Variants in RAPGEF1 observed in about 807,000 individuals in gnomAD.
RAPGEF1 encodes CRK SH3-binding GNRP.
Under a neutral mutation model 143.3 loss-of-function variants are expected in RAPGEF1, and 33 were observed. The observed-to-expected ratio is 0.23, with a 90% CI of 0.17 to 0.31. RAPGEF1 has a LOEUF of 0.31. Among genes scored for constraint, RAPGEF1 ranks in the 10% least tolerant of loss-of-function variants. RAPGEF1 has a pLI of 1.00. For missense variants in RAPGEF1, 1,199 were observed against 1,645.4 expected, an observed-to-expected ratio of 0.73 and a Z score of 4.69; for synonymous variants, 629 against 676.5, an observed-to-expected ratio of 0.93 and a Z score of 1.09.
chr9:131,600,480 C>G (rs531500686), intron 15 of RAPGEF1, among the ~76,000 whole-genome samples: 5 of 152,350 alleles, frequency 3.3e-5, no homozygotes, highest in African/African-American at 1.2e-4. Context: ...AGAGACAAGT[C>G]AGAGAGCACA....
chr9:131,586,795 A>AC (rs1953022142), intron 22 of RAPGEF1, among the ~76,000 whole-genome samples: 2 of 20,440 alleles, frequency 9.8e-5, no homozygotes, highest in Admixed American at 5.4e-4. Context: ...GACTCCGTCA[A>AC]ACACACACAC....
At chr9:131,711,888 G>A (rs1564192812) in intron 1 of RAPGEF1, among the ~76,000 whole-genome samples, 1 of 152,180 alleles carries the variant, frequency 6.6e-6, no homozygotes, top group East Asian at 1.9e-4. Context: ...TTAAGTTTCT[G>A]GGCGCAGTGG....
rs1309410835 is a variant in RAPGEF1 at position 131,626,404 on chromosome 9, T to C, written c.1220A>G (p.Tyr407Cys). The change falls in exon 10 of 27, where the codon TAT becomes TGT. Residue 407 changes from tyrosine (Y) to cysteine (C), a missense_variant. Physicochemically the swap from Tyr to Cys is radical, Grantham distance 194. Transcript: ENST00000683357. ...AGAGAGGTCTTGCTGGAGGAATTCA[T>C]AGTCGGGATCATAGTGGTCTGCAGT... ...CETLDHYDPD[Y>C]EFLQQDLSNA... 6 of 1,600,986 alleles carry C rather than the reference T, an allele frequency of 3.7e-6. No homozygotes were observed. Among genetic ancestry groups the C allele is most frequent in the Non-Finnish European group, 5.1e-6 (6 of 1,170,880 alleles).
At chr9:131,736,074 T>C (rs2131363693) in intron 1 of RAPGEF1, among the ~76,000 whole-genome samples, 1 of 152,290 alleles carries the variant, frequency 6.6e-6, no homozygotes, top group East Asian at 1.9e-4. Context: ...AGTAACTGCT[T>C]GCACAACCAG....
At chr9:131,604,695 G>A (rs1411303838) in intron 13 of RAPGEF1, among the ~76,000 whole-genome samples, 2 of 152,184 alleles carry the variant, frequency 1.3e-5, no homozygotes, top group Non-Finnish European at 2.9e-5. Flanking sequence ...ATAGAACTTT[G>A]TATAGAAGAG....
chr9:131,735,703 G>A, intron 1 of RAPGEF1, among the ~76,000 whole-genome samples: 1 of 152,168 alleles, frequency 6.6e-6, no homozygotes, highest in Non-Finnish European at 1.5e-5. Flanking sequence ...CAAGTGGGCC[G>A]TCGGAGGTGT....
intron 1 of RAPGEF1, among the ~76,000 whole-genome samples, chr9:131,693,640 A>T (rs915658642): frequency 6.6e-6 from 1 of 151,856 alleles, no homozygotes. Flanking sequence ...CCATCAGAAC[A>T]CTCAATTCTA....
intron 14 of RAPGEF1, 94 bp from the exon 15 acceptor site, chr9:131,602,243 T>A (rs1588345945): frequency 3.6e-6 from 3 of 835,550 alleles, no homozygotes; most frequent in Non-Finnish European, 5.7e-6. Flanking sequence ...GGCTGTGGAG[T>A]GCAAGTTCCT....
chr9:131,602,078 G>A lies in RAPGEF1; in HGVS notation c.2484C>T (p.Ser828=). ...SAVSGVPGKD[S]RDGSERAPKS... ...CTTCCTACCTCTCACTGCCGTCTCTGCTGTCCTTCCCAGGGACGCCGCTGA... is the reference window on the plus strand; with the variant it reads ...CTTCCTACCTCTCACTGCCGTCTCTACTGTCCTTCCCAGGGACGCCGCTGA... The change falls in exon 15 of 27, where the codon AGC becomes AGT. Residue 828 remains serine, a synonymous_variant. Coordinates refer to ENST00000683357, the MANE Select transcript of RAPGEF1 (RefSeq NM_001377935.1). 6.2e-7 allele frequency: 1 copy of A among 1,602,712 alleles called. No individual in the cohort carries two copies. Among genetic ancestry groups the A allele is most frequent in the Non-Finnish European group, 8.5e-7 (1 of 1,175,662 alleles).
chr9:131,636,643 T>A (rs1165978924), intron 5 of RAPGEF1, among the ~76,000 whole-genome samples: 2 of 152,212 alleles, frequency 1.3e-5, no homozygotes, highest in Admixed American at 6.5e-5. Context: ...ACCTTAACAA[T>A]GTTACCTGAA....
chr9:131,738,279 AGAACTCAGT>A (rs1837548905), intron 1 of RAPGEF1, among the ~76,000 whole-genome samples: 1 of 151,848 alleles, frequency 6.6e-6, no homozygotes, highest in Non-Finnish European at 1.5e-5. Flanking sequence ...TTCTTATAAA[AGAACTCAGT>A]GAATGTTCTT....
At chr9:131,697,054 G>A (rs1312742139) in intron 1 of RAPGEF1, among the ~76,000 whole-genome samples, 5 of 152,192 alleles carry the variant, frequency 3.3e-5, no homozygotes, top group South Asian at 2.1e-4. Flanking sequence ...CATAAGTAGC[G>A]GGGCTATTTT....
intron 3 of RAPGEF1, among the ~76,000 whole-genome samples, chr9:131,645,670 C>T (rs1164932649): frequency 1.3e-5 from 2 of 152,258 alleles, no homozygotes; most frequent in African/African-American, 4.8e-5. Flanking sequence ...CACACAGCCA[C>T]ATCCAGCACT....
intron 1 of RAPGEF1, among the ~76,000 whole-genome samples, chr9:131,703,517 C>T (rs1328236761): frequency 3.9e-5 from 6 of 152,212 alleles, no homozygotes; most frequent in Non-Finnish European, 4.4e-5. Context: ...CAGACTCCTT[C>T]ATCCTCACAA....
chr9:131,602,113 G>A lies in RAPGEF1; in HGVS notation c.2449C>T (p.Pro817Ser). The change falls in exon 15 of 27, where the codon CCC (proline) becomes TCC (serine). Residue 817 changes from proline (P) to serine (S), a missense_variant. Physicochemically the swap from Pro to Ser is moderately conservative, Grantham distance 74. Coordinates refer to ENST00000683357, the MANE Select transcript of RAPGEF1 (RefSeq NM_001377935.1). Reference sequence around the variant, plus strand: ...CCAGGGACGCCGCTGACCGCTGAGGGATCTCTGGGATGTCCGTCTTTCCCA... The same window carrying A: ...CCAGGGACGCCGCTGACCGCTGAGGAATCTCTGGGATGTCCGTCTTTCCCA... Reference protein sequence around the residue: ...PAGKDGHPRDPSAVSGVPGKD... With the variant: ...PAGKDGHPRDSSAVSGVPGKD... 1 of 1,601,862 alleles carries A rather than the reference G, an allele frequency of 6.2e-7. No individual in the cohort carries two copies. Among genetic ancestry groups the A allele is most frequent in the South Asian group, 1.1e-5 (1 of 89,006 alleles).
chr9:131,730,577 C>T (rs1836984897), intron 1 of RAPGEF1, among the ~76,000 whole-genome samples: 1 of 151,580 alleles, frequency 6.6e-6, no homozygotes, highest in Admixed American at 6.6e-5. Flanking sequence ...CGCCTGTCAT[C>T]CCAGCTACTT....
intron 1 of RAPGEF1, chr9:131,737,643 A>C: frequency 2.9e-6 from 4 of 1,384,078 alleles, no homozygotes; most frequent in Non-Finnish European, 3.8e-6. Context: ...TGGGCAGCTC[A>C]TGGGATGACA....
Position 131,596,386 on chromosome 9 carries a change from C to T in RAPGEF1, c.2614-13G>A, listed in dbSNP as rs1402026157. The T allele has an allele frequency of 1.9e-6, 3 of 1,613,830 alleles. No individual in the cohort carries two copies. The highest frequency in any genetic ancestry group is 2.5e-6 in the Non-Finnish European group (3 of 1,179,742). ...GCCCGTCATCACCCTGTAATGAACA[C>T]AGCCAAGGAAGGTATGAGGCAGAGT... On this transcript the variant is annotated splice_polypyrimidine_tract_variant and intron_variant, in intron 16 of 26. Transcript: ENST00000683357.
rs139019228 is a variant in RAPGEF1, at chr9:131,589,827, G to A, written c.2867+59C>T. 3.4e-6 allele frequency: 5 copies of A among 1,485,542 alleles called. No individual in the cohort carries two copies. The Admixed American group carries it at 8.4e-5, about 25-fold the overall frequency. The allele number at this position is 1,485,542 out of a possible 1,614,324, so 92.0% of individuals were successfully genotyped here. On this transcript the variant is annotated intron_variant, in intron 19 of 26. Transcript: ENST00000683357. ...CAGAGCCGATGGGCAGGAGAAGCAGGTGGAATGGAGCCTTTGCCTCCCCAC... is the reference window on the plus strand; with the variant it reads ...CAGAGCCGATGGGCAGGAGAAGCAGATGGAATGGAGCCTTTGCCTCCCCAC...
Sources: allele counts gnomAD v4.1 joint callset (sites outside exome capture counted in the v4.1 genomes callset), GRCh38; gene constraint gnomAD v4.1.1; transcripts MANE v1.5; gene names NCBI Gene and HGNC (gene_info 2026-07-23, HGNC 2026-07-21).